The following ACER2 variants were observed in gnomAD, a reference collection of about 807,000 sequenced individuals.
The protein encoded by ACER2 is alkCDase 2.
Under a neutral mutation model 34.7 loss-of-function variants are expected in ACER2, and 26 were observed. The ratio of observed to expected loss-of-function variants is 0.75; its 90% CI spans 0.55 to 1.04. The LOEUF (loss-of-function observed/expected upper bound fraction) is 1.04. Among genes scored for constraint, ACER2 ranks in the 50% least tolerant of loss-of-function variants. The pLI, the probability that ACER2 is intolerant of heterozygous loss-of-function variation, is 0.00. For missense variants in ACER2, 352 were observed against 340.8 expected, an observed-to-expected ratio of 1.03 and a Z score of -0.26; for synonymous variants, 138 against 132.1, an observed-to-expected ratio of 1.04 and a Z score of -0.31.
chr9:19,409,273 G>A (rs895612226), intron 1 of ACER2, 81 bp downstream of exon 1: 6 of 1,375,538 alleles, frequency 4.4e-6, no homozygotes, highest in Non-Finnish European at 6.0e-6. Context: ...GAAGCTGGAC[G>A]TGGGTCTCTG....
At chr9:19,432,751 T>A (rs1192480169) in intron 3 of ACER2, among the ~76,000 whole-genome samples, 1 of 148,102 alleles carries the variant, frequency 6.8e-6, no homozygotes, top group Non-Finnish European at 1.5e-5. Flanking sequence ...ATAAATATAT[T>A]TAATTAAAAA....
rs1831591066 is a variant in ACER2, at chr9:19,452,178, C to G, written c.*1542C>G. On this transcript the variant is annotated 3_prime_UTR_variant, in exon 6 of 6. Coordinates refer to ENST00000340967, the MANE Select transcript of ACER2 (RefSeq NM_001010887.3). ...AACTCAGGCGTGTCCTGCTTTGTAA[C>G]ATTCCATTGTTGGGAGAGGGCAGGA... 1.3e-5 allele frequency among the ~76,000 whole-genome samples: 2 copies of G among 152,182 alleles called. No individual in the cohort carries two copies. The highest frequency in any genetic ancestry group is 2.9e-5 in the Non-Finnish European group (2 of 68,026).
chr9:19,423,443 G>A (rs982615067), intron 1 of ACER2, among the ~76,000 whole-genome samples: 1 of 152,188 alleles, frequency 6.6e-6, no homozygotes, highest in African/African-American at 2.4e-5. Context: ...GCTTATGCCT[G>A]CAATCCCAGC....
At chr9:19,449,911 A>AAAAAAAT (rs1337770083) in intron 5 of ACER2, among the ~76,000 whole-genome samples, 7 of 147,864 alleles carry the variant, frequency 4.7e-5, no homozygotes, top group African/African-American at 1.8e-4. Flanking sequence ...AAAAAAAAAA[A>AAAAAAAT]GGATTACATG....
intron 1 of ACER2, among the ~76,000 whole-genome samples, chr9:19,416,232 G>C (rs563706839): frequency 6.1e-4 from 93 of 152,042 alleles, no homozygotes; most frequent in Non-Finnish European, 1.1e-3. Context: ...TTTATTGCTA[G>C]TTTAACAAGA....
At chr9:19,412,998 C>G (rs1830131484) in intron 1 of ACER2, among the ~76,000 whole-genome samples, 1 of 152,156 alleles carries the variant, frequency 6.6e-6, no homozygotes, top group African/African-American at 2.4e-5. Context: ...AAGCACTAAT[C>G]TTAGATGGGG....
At chr9:19,426,219 CT>C (rs138630695) in intron 3 of ACER2, among the ~76,000 whole-genome samples, 8 of 123,362 alleles carry the variant, frequency 6.5e-5, no homozygotes, top group South Asian at 2.9e-4. Context: ...AACTGGTTGA[CT>C]TTTTTTTTAA....
At chr9:19,430,486 G>A (rs1220168465) in intron 3 of ACER2, among the ~76,000 whole-genome samples, 2 of 152,074 alleles carry the variant, frequency 1.3e-5, no homozygotes, top group Non-Finnish European at 2.9e-5. Context: ...TTGTACCCAG[G>A]GCCTCTGTTG....
At chr9:19,445,728 G>C (rs1427746877) in intron 4 of ACER2, among the ~76,000 whole-genome samples, 1 of 152,130 alleles carries the variant, frequency 6.6e-6, no homozygotes, top group African/African-American at 2.4e-5. Context: ...GGAGGTGAAG[G>C]GGAAAAGGGA....
chr9:19,415,521 CAAAT>C (rs933136899), intron 1 of ACER2, among the ~76,000 whole-genome samples: 22 of 146,628 alleles, frequency 1.5e-4, no homozygotes, highest in African/African-American at 3.7e-4. Context: ...AATAAATAAA[CAAAT>C]AAATAAATAA....
chr9:19,440,738 G>C (rs780792026), intron 4 of ACER2, among the ~76,000 whole-genome samples: 1 of 152,170 alleles, frequency 6.6e-6, no homozygotes, highest in Non-Finnish European at 1.5e-5. Flanking sequence ...CTCTACTTCT[G>C]TGGCTTTAAT....
At chr9:19,417,172 T>G (rs1039464997) in intron 1 of ACER2, among the ~76,000 whole-genome samples, 1 of 152,164 alleles carries the variant, frequency 6.6e-6, no homozygotes, top group African/African-American at 2.4e-5. Flanking sequence ...ACAAAGGATA[T>G]GAAGGACCTC....
chr9:19,432,078 A>C (rs1334314311), intron 3 of ACER2, among the ~76,000 whole-genome samples: 1 of 152,214 alleles, frequency 6.6e-6, no homozygotes, highest in Non-Finnish European at 1.5e-5. Flanking sequence ...GAGAAGAAAG[A>C]GCGTGTCTAG....
chr9:19,409,668 C>G (rs1830027750), intron 1 of ACER2: 1 of 901,590 alleles, frequency 1.1e-6, no homozygotes, highest in Non-Finnish European at 1.3e-6. Context: ...TGGGGTCACT[C>G]CCACCAGGCA....
At chr9:19,434,817 C>G in intron 3 of ACER2, 130 bp from the exon 4 acceptor site, 1 of 1,221,314 alleles carries the variant, frequency 8.2e-7, no homozygotes, top group Non-Finnish European at 1.2e-6. Context: ...GCTTTTTGAA[C>G]CTTGGTACTT....
intron 3 of ACER2, among the ~76,000 whole-genome samples, chr9:19,432,563 TGG>T (rs535608467): frequency 7.0e-6 from 1 of 142,438 alleles, no homozygotes; most frequent in South Asian, 2.4e-4. Context: ...TGTGTGTGTG[TGG>T]GTGTATGTGT....
chr9:19,417,086 GACA>G (rs1463980717), intron 1 of ACER2, among the ~76,000 whole-genome samples: 3 of 113,644 alleles, frequency 2.6e-5, no homozygotes, highest in Non-Finnish European at 4.1e-5. Context: ...ACCAATAATA[GACA>G]GAGAGGCAAA....
intron 1 of ACER2, among the ~76,000 whole-genome samples, chr9:19,423,401 G>T (rs557876206): frequency 1.3e-5 from 2 of 152,218 alleles, no homozygotes; most frequent in African/African-American, 4.8e-5. Context: ...TATATCTGTA[G>T]TCAAAAGAAG....
chr9:19,441,328 C>A (rs1831151382), intron 4 of ACER2, among the ~76,000 whole-genome samples: 1 of 152,166 alleles, frequency 6.6e-6, no homozygotes, highest in Non-Finnish European at 1.5e-5. Context: ...AGATTACAGG[C>A]ATGAGCCACA....
Sources: allele counts gnomAD v4.1 joint callset (sites outside exome capture counted in the v4.1 genomes callset), GRCh38; gene constraint gnomAD v4.1.1; transcripts MANE v1.5; gene names NCBI Gene and HGNC (gene_info 2026-07-23, HGNC 2026-07-21).